The following COMMD10 variants were observed in gnomAD, a reference collection of about 807,000 sequenced individuals.
The protein encoded by COMMD10 is COMM domain containing 10, also known as COMM domain-containing protein 10.
COMMD10 carries 33 observed loss-of-function variants against 28.9 expected under a neutral mutation model. That is an observed-to-expected ratio of 1.14 (90% confidence interval 0.87 to 1.53). The LOEUF is 1.53. Ranked by LOEUF, COMMD10 falls within the 40% of genes most tolerant of loss-of-function variation. COMMD10 has a pLI of 0.00. For missense variants in COMMD10, 310 were observed against 233.4 expected (o/e 1.33, Z -2.14); for synonymous variants, 110 against 81.7 (o/e 1.35, Z -1.87).
At chr5:116,186,190 CTGTTTCT>C (rs1366288393) in intron 5 of COMMD10, among the ~76,000 whole-genome samples, 1 of 152,144 alleles carries the variant, frequency 6.6e-6, no homozygotes, top group African/African-American at 2.4e-5. Flanking sequence ...AGCTGCAACT[CTGTTTCT>C]CACCCCGCAG....
chr5:116,124,026 A>G (rs190654242), intron 4 of COMMD10, among the ~76,000 whole-genome samples: 2 of 151,666 alleles, frequency 1.3e-5, no homozygotes, highest in East Asian at 3.9e-4. Flanking sequence ...TGGTTTCTGG[A>G]TTCATTGATG....
chr5:116,248,604 T>G (rs1750024637), intron 5 of COMMD10, among the ~76,000 whole-genome samples: 2 of 151,952 alleles, frequency 1.3e-5, no homozygotes, highest in Admixed American at 1.3e-4. Flanking sequence ...GTCTAAAGAC[T>G]TGCACAATTT....
In COMMD10 at chr5:116,091,205, C is replaced by A. The variant is rs759345776; in HGVS notation, c.243+16C>A. 7.3e-7 allele frequency: 1 copy of A among 1,376,750 alleles called. No homozygotes were observed. The highest frequency in any genetic ancestry group is 1.0e-6 in the Non-Finnish European group (1 of 973,706). 85.3% of individuals were successfully genotyped at this position (1,376,750 alleles called of 1,614,324 possible). A position where few individuals can be genotyped will look rare whatever the true frequency, so the allele number is the denominator to read the frequency against. ...TTTAGAACAGGTATTTTTATTGCAT[C>A]AAATTTTCTAGCCATGATTTGTTTA... On this transcript the variant is annotated intron_variant, in intron 3 of 6. Coordinates refer to ENST00000274458, the MANE Select transcript of COMMD10 (RefSeq NM_016144.4).
intron 5 of COMMD10, among the ~76,000 whole-genome samples, chr5:116,160,222 T>A (rs1189783740): frequency 6.6e-6 from 1 of 152,186 alleles, no homozygotes; most frequent in African/African-American, 2.4e-5. Context: ...TATTTAGATA[T>A]ACGTGTTACA....
chr5:116,250,648 G>T (rs1444401358), intron 5 of COMMD10, among the ~76,000 whole-genome samples: 1 of 151,172 alleles, frequency 6.6e-6, no homozygotes, highest in South Asian at 2.1e-4. Flanking sequence ...GAAATTACTA[G>T]GAGAAGGAAA....
intron 5 of COMMD10, among the ~76,000 whole-genome samples, chr5:116,168,158 CAAA>C (rs56193014): frequency 5.8e-4 from 59 of 102,394 alleles, no homozygotes; most frequent in Non-Finnish European, 8.3e-4. Flanking sequence ...AAATGGAAAG[CAAA>C]AAAAAAAAAA....
intron 4 of COMMD10, among the ~76,000 whole-genome samples, chr5:116,104,084 T>C (rs575574475): frequency 6.6e-6 from 1 of 152,244 alleles, no homozygotes; most frequent in Non-Finnish European, 1.5e-5. Flanking sequence ...GGTAGCATGA[T>C]GCCTCCAGCT....
chr5:116,151,048 A>T (rs905389521), intron 5 of COMMD10, among the ~76,000 whole-genome samples: 1 of 150,956 alleles, frequency 6.6e-6, no homozygotes, highest in East Asian at 1.9e-4. Context: ...TACCTAATTT[A>T]TTGAGAGTTT....
intron 5 of COMMD10, among the ~76,000 whole-genome samples, chr5:116,246,185 C>G (rs940825237): frequency 2.0e-5 from 3 of 152,072 alleles, no homozygotes; most frequent in African/African-American, 7.2e-5. Flanking sequence ...TCCTATACAT[C>G]AACAGCAGTC....
At chr5:116,234,049 C>G (rs544165567) in intron 5 of COMMD10, among the ~76,000 whole-genome samples, 1 of 152,144 alleles carries the variant, frequency 6.6e-6, no homozygotes, top group Admixed American at 6.6e-5. Context: ...TCTGAAGAGT[C>G]AGGGTCCCCA....
chr5:116,185,991 A>G (rs924574259), intron 5 of COMMD10, among the ~76,000 whole-genome samples: 1 of 152,168 alleles, frequency 6.6e-6, no homozygotes, highest in Non-Finnish European at 1.5e-5. Flanking sequence ...AGAAAATAAC[A>G]CATTGGGCTA....
At chr5:116,218,691 A>C (rs894780542) in intron 5 of COMMD10, among the ~76,000 whole-genome samples, 3 of 152,146 alleles carry the variant, frequency 2.0e-5, no homozygotes, top group Non-Finnish European at 4.4e-5. Flanking sequence ...CCCAAGAAGC[A>C]TTCTCTTGGT....
intron 5 of COMMD10, among the ~76,000 whole-genome samples, chr5:116,220,919 C>T (rs1173086526): frequency 6.6e-6 from 1 of 152,088 alleles, no homozygotes; most frequent in African/African-American, 2.4e-5. Context: ...GCACATTCAG[C>T]GTTAATCACT....
At chr5:116,209,542 C>A (rs142122306) in intron 5 of COMMD10, among the ~76,000 whole-genome samples, 2 of 152,062 alleles carry the variant, frequency 1.3e-5, no homozygotes, top group Non-Finnish European at 2.9e-5. Flanking sequence ...ATTAAAAGGA[C>A]GTATTTGTTT....
chr5:116,268,410 C>T (rs925648625), intron 5 of COMMD10, among the ~76,000 whole-genome samples: 2 of 151,902 alleles, frequency 1.3e-5, no homozygotes, highest in African/African-American at 2.4e-5. Context: ...GATACCATCT[C>T]ATACCAGTTA....
chr5:116,163,049 T>C (rs1561641109), intron 5 of COMMD10, among the ~76,000 whole-genome samples: 1 of 151,986 alleles, frequency 6.6e-6, no homozygotes, highest in Non-Finnish European at 1.5e-5. Flanking sequence ...TACCACTTCT[T>C]TAGAGGTTCA....
intron 5 of COMMD10, among the ~76,000 whole-genome samples, chr5:116,241,327 C>G (rs1161779065): frequency 6.6e-6 from 1 of 152,054 alleles, no homozygotes; most frequent in Admixed American, 6.5e-5. Context: ...GGAGCAAAAT[C>G]AAAACAGCTT....
chr5:116,200,584 C>T (rs1370471590), intron 5 of COMMD10, among the ~76,000 whole-genome samples: 1 of 151,918 alleles, frequency 6.6e-6, no homozygotes, highest in Non-Finnish European at 1.5e-5. Flanking sequence ...AGTTGTGCCA[C>T]ATTTCCTCCT....
At chr5:116,114,247 T>A (rs369563001) in intron 4 of COMMD10, among the ~76,000 whole-genome samples, 1 of 151,928 alleles carries the variant, frequency 6.6e-6, no homozygotes, top group Non-Finnish European at 1.5e-5. Context: ...AGGCTGATTA[T>A]TGGGGGCTCT....
Sources: allele counts gnomAD v4.1 joint callset (sites outside exome capture counted in the v4.1 genomes callset), GRCh38; gene constraint gnomAD v4.1.1; transcripts MANE v1.5; gene names NCBI Gene and HGNC (gene_info 2026-07-23, HGNC 2026-07-21).